Variants in CSMD3 observed in about 807,000 individuals in gnomAD.
CSMD3 encodes CUB and sushi domain-containing protein 3.
Under a neutral mutation model 435.2 loss-of-function variants are expected in CSMD3, and 177 were observed. The observed-to-expected ratio is 0.41, with a 90% confidence interval of 0.36 to 0.46. The LOEUF (loss-of-function observed/expected upper bound fraction) is 0.46. Among genes scored for constraint, CSMD3 ranks in the 20% least tolerant of loss-of-function variants. CSMD3 has a pLI of 0.34. For synonymous variants in CSMD3, 1,656 were observed against 1,520.5 expected (o/e 1.09, Z -2.07); for missense variants, 4,265 against 4,504.6 (o/e 0.95, Z 1.52).
At chr8:112,804,169 A>G (rs1466694113) in intron 12 of CSMD3, among the ~76,000 whole-genome samples, 3 of 151,842 alleles carry the variant, frequency 2.0e-5, no homozygotes, top group Non-Finnish European at 2.9e-5. Flanking sequence ...ATCTACCGGT[A>G]TGGATCCAAG....
chr8:113,268,465 A>G (rs145867214), intron 3 of CSMD3, among the ~76,000 whole-genome samples: 13 of 152,070 alleles, frequency 8.5e-5, no homozygotes, highest in South Asian at 2.1e-4. Context: ...ATTCAAGTGT[A>G]TGGCAGACAT....
At chr8:112,799,807 T>A (rs1002954027) in intron 13 of CSMD3, among the ~76,000 whole-genome samples, 31 of 151,932 alleles carry the variant, frequency 2.0e-4, no homozygotes, top group African/African-American at 7.2e-4. Flanking sequence ...CTGTTATATT[T>A]AAGTATTTAA....
chr8:113,316,973 A>G (rs2093915300), intron 1 of CSMD3, among the ~76,000 whole-genome samples: 1 of 152,150 alleles, frequency 6.6e-6, no homozygotes, highest in South Asian at 2.1e-4. Context: ...ATCTTTTCCT[A>G]TATCTCACCA....
At chr8:113,370,190 A>G (rs1411508472) in intron 1 of CSMD3, among the ~76,000 whole-genome samples, 1 of 151,218 alleles carries the variant, frequency 6.6e-6, no homozygotes, top group Non-Finnish European at 1.5e-5. Flanking sequence ...TCATATATTA[A>G]TTAAAATAAA....
intron 36 of CSMD3, among the ~76,000 whole-genome samples, chr8:112,385,041 G>C (rs1829808147): frequency 6.6e-6 from 1 of 152,096 alleles, no homozygotes; most frequent in African/African-American, 2.4e-5. Flanking sequence ...TAGATTTAGT[G>C]GACCATGAGT....
chr8:112,265,439 T>C lies in CSMD3; in HGVS notation c.9660A>G (p.Thr3220=), dbSNP rs762294535. Residue 3220 remains threonine, a synonymous_variant, in exon 60 of 71, where the codon ACA becomes ACG. Transcript: ENST00000297405. ...TACAAGTTGGCATTACTCCACTCCA[T>C]GTGCCATTAATTGTACAAGTCCTGA... The part of the protein sequence containing the change: ...SRIRTCTING[T]WSGVMPTCRA... The C allele has an allele frequency of 3.1e-6, 5 of 1,613,738 alleles. No individual in the cohort carries two copies. Among genetic ancestry groups the C allele is most frequent in the Non-Finnish European group, 4.2e-6 (5 of 1,179,676 alleles).
chr8:112,886,352 T>C (rs946121299), intron 10 of CSMD3, among the ~76,000 whole-genome samples: 1 of 150,706 alleles, frequency 6.6e-6, no homozygotes, highest in African/African-American at 2.4e-5. Context: ...TGTCTTTTTC[T>C]TTTTTTTTCT....
chr8:113,199,634 G>A (rs1382733495), intron 3 of CSMD3, among the ~76,000 whole-genome samples: 2 of 151,666 alleles, frequency 1.3e-5, no homozygotes, highest in East Asian at 3.9e-4. Context: ...CATTTTCATG[G>A]AGGATGGGAA....
At chr8:112,962,017 A>G (rs1227613972) in intron 7 of CSMD3, among the ~76,000 whole-genome samples, 1 of 151,996 alleles carries the variant, frequency 6.6e-6, no homozygotes, top group Non-Finnish European at 1.5e-5. Flanking sequence ...GTTCACAGAT[A>G]CTTTTAACAC....
At chr8:112,474,361 C>T (rs1384690471) in intron 31 of CSMD3, among the ~76,000 whole-genome samples, 1 of 151,936 alleles carries the variant, frequency 6.6e-6, no homozygotes, top group Non-Finnish European at 1.5e-5. Context: ...GGTATATAAA[C>T]AAATACAAAA....
At chr8:113,204,393 C>T (rs540691243) in intron 3 of CSMD3, among the ~76,000 whole-genome samples, 1 of 152,164 alleles carries the variant, frequency 6.6e-6, no homozygotes, top group East Asian at 1.9e-4. Context: ...CATATGTTTT[C>T]TATTTGAAAT....
chr8:112,343,001 T>TATATATATATATTTA (rs1554647587), intron 41 of CSMD3, among the ~76,000 whole-genome samples: 1 of 109,678 alleles, frequency 9.1e-6, no homozygotes, highest in Non-Finnish European at 1.9e-5. Context: ...ATATATATAT[T>TATATATATATATTTA]TATATATATA....
chr8:113,028,578 C>A (rs920699614), intron 5 of CSMD3, among the ~76,000 whole-genome samples: 3 of 151,414 alleles, frequency 2.0e-5, no homozygotes, highest in Non-Finnish European at 4.4e-5. Context: ...AAATGCTACT[C>A]CAGTGAACAC....
intron 1 of CSMD3, among the ~76,000 whole-genome samples, chr8:113,404,081 C>T (rs909023122): frequency 2.6e-5 from 4 of 151,280 alleles, no homozygotes; most frequent in African/African-American, 4.8e-5. Flanking sequence ...ATCTCTACAG[C>T]GAATCTGGCA....
chr8:112,369,996 A>AGAAGAG lies in CSMD3; in HGVS notation c.6136+10355_6136+10356insCTCTTC, dbSNP rs376026224. 1.9e-3 allele frequency among the ~76,000 whole-genome samples: 122 copies of AGAAGAG among 63,398 alleles called. 1 individual carries two copies. Among genetic ancestry groups the AGAAGAG allele is most frequent in the African/African-American group, 5.5e-3 (120 of 21,962 alleles). The allele number at this position is 63,398 out of a possible 152,430, so 41.6% of individuals were successfully genotyped here. A position where few individuals can be genotyped will look rare whatever the true frequency, so the allele number is the denominator to read the frequency against. On this transcript the variant is annotated intron_variant, in intron 38 of 70. Transcript: ENST00000297405. ...AAGAAGAAGAGAAAGAGGAAGAGGA[A>AGAAGAG]GAAGAAGAGGAAGAGGAAGAAGAAG...
intron 32 of CSMD3, among the ~76,000 whole-genome samples, chr8:112,464,968 G>A (rs1242500728): frequency 6.6e-6 from 1 of 152,158 alleles, no homozygotes; most frequent in Non-Finnish European, 1.5e-5. Context: ...GACCAAAAAG[G>A]TAGTAAAATT....
At chr8:113,238,093 A>C (rs1017230723) in intron 3 of CSMD3, among the ~76,000 whole-genome samples, 1 of 147,102 alleles carries the variant, frequency 6.8e-6, no homozygotes, top group Admixed American at 6.7e-5. Flanking sequence ...AAAAAAAAAA[A>C]GGTGGGGAGT....
At position 112,237,226 on chromosome 8, in the gene CSMD3, T is replaced by A. The variant is rs767553384; in HGVS notation, c.10591A>T (p.Thr3531Ser). 1 of 1,613,642 alleles carries A rather than the reference T, an allele frequency of 6.2e-7. No homozygotes were observed. Among genetic ancestry groups the A allele is most frequent in the Non-Finnish European group, 8.5e-7 (1 of 1,179,652 alleles). ...AGCTCCATGTTGCTATTGCTCAGTGTTGCGTTAACTCTCCCAGTGGAAGCA... is the reference window on the plus strand; with the variant it reads ...AGCTCCATGTTGCTATTGCTCAGTGATGCGTTAACTCTCCCAGTGGAAGCA... ...FNASTGRVNA[T>S]LSNSNMELLL... is the part of the protein sequence containing the mutation. The change falls in exon 67 of 71, where the codon ACA (threonine) becomes TCA (serine). Residue 3531 changes from threonine (T) to serine (S), a missense_variant. Thr to Ser is a moderately conservative substitution (Grantham distance 58). Coordinates refer to ENST00000297405, the MANE Select transcript of CSMD3 (RefSeq NM_198123.2).
intron 22 of CSMD3, among the ~76,000 whole-genome samples, chr8:112,628,399 T>C (rs1834666566): frequency 6.7e-6 from 1 of 148,844 alleles, no homozygotes; most frequent in African/African-American, 2.4e-5. Context: ...GGTTGGTTGG[T>C]TGGTTGGTTG....
Sources: gnomAD v4.1 joint callset for allele counts (sites outside exome capture counted in the v4.1 genomes callset) on GRCh38, gnomAD v4.1.1 for gene constraint, MANE v1.5 for transcripts, NCBI Gene and HGNC (gene_info 2026-07-23, HGNC 2026-07-21) for gene names.